LEPR: variants seen among roughly 807,000 people sequenced by gnomAD.
LEPR encodes leptin receptor.
LEPR carries 56 observed loss-of-function variants against 114.7 expected under a neutral mutation model. The ratio of observed to expected loss-of-function variants is 0.49; its 90% confidence interval spans 0.39 to 0.61. The LOEUF is 0.61. Ranked by LOEUF, LEPR falls within the 20% of genes least tolerant of loss-of-function variation. The pLI is 0.00. For missense variants in LEPR, 1,202 were observed against 1,352.9 expected, an observed-to-expected ratio of 0.89 and a Z score of 1.75; for synonymous variants, 443 against 461.4, an observed-to-expected ratio of 0.96 and a Z score of 0.51.
intron 2 of LEPR, among the ~76,000 whole-genome samples, chr1:65,524,129 T>C (rs1649783325): frequency 6.6e-6 from 1 of 152,232 alleles, no homozygotes; most frequent in African/African-American, 2.4e-5. Flanking sequence ...AGAGAATACA[T>C]CTCTGTTTGA....
chr1:65,482,258 G>A lies in LEPR; in HGVS notation c.-21+56880G>A, dbSNP rs748938913. On this transcript the variant is annotated intron_variant, in intron 2 of 19. Coordinates refer to ENST00000349533, the MANE Select transcript of LEPR (RefSeq NM_002303.6). ...GATATATCATATGTATGAATTTGTAGACAAAATATTTTGAGATGCTGTATC... is the reference window on the plus strand; with the variant it reads ...GATATATCATATGTATGAATTTGTAAACAAAATATTTTGAGATGCTGTATC... Among the ~76,000 whole-genome samples, 182 of 152,098 alleles carry A rather than the reference G, an allele frequency of 1.2e-3. 1 individual carries two copies. The highest frequency in any genetic ancestry group is 1.9e-3 in the Non-Finnish European group (132 of 67,982).
At chr1:65,490,045 T>A (rs755416933) in intron 2 of LEPR, among the ~76,000 whole-genome samples, 1 of 152,146 alleles carries the variant, frequency 6.6e-6, no homozygotes, top group Non-Finnish European at 1.5e-5. Context: ...GTATGCAATC[T>A]TTCGGAAATT....
intron 2 of LEPR, among the ~76,000 whole-genome samples, chr1:65,538,946 T>G (rs1222245325): frequency 6.6e-6 from 1 of 152,030 alleles, no homozygotes; most frequent in African/African-American, 2.4e-5. Flanking sequence ...TCTTGTATTT[T>G]TTTTGTGTGA....
At chr1:65,542,737 G>C (rs1651327724) in intron 2 of LEPR, among the ~76,000 whole-genome samples, 1 of 151,860 alleles carries the variant, frequency 6.6e-6, no homozygotes. Context: ...TCCTGTGTTA[G>C]TTTGCTGAGA....
At chr1:65,528,562 T>C (rs1437147320) in intron 2 of LEPR, among the ~76,000 whole-genome samples, 3 of 152,012 alleles carry the variant, frequency 2.0e-5, no homozygotes, top group Non-Finnish European at 2.9e-5. Context: ...ATTTTAAAAC[T>C]ACAAATCTTA....
At chr1:65,480,120 G>A (rs1647204543) in intron 2 of LEPR, among the ~76,000 whole-genome samples, 1 of 152,086 alleles carries the variant, frequency 6.6e-6, no homozygotes, top group Non-Finnish European at 1.5e-5. Context: ...TGGACAATGA[G>A]CAGGACCAAC....
chr1:65,438,113 C>CT (rs36053447), intron 2 of LEPR, among the ~76,000 whole-genome samples: 8,966 of 87,696 alleles, frequency 0.1, 1,243 homozygotes, highest in African/African-American at 0.27. Flanking sequence ...TCCTAGCCGC[C>CT]TTTTTTTTTT....
chr1:65,583,376 T>C (rs1268945354), intron 5 of LEPR, among the ~76,000 whole-genome samples: 3 of 152,190 alleles, frequency 2.0e-5, no homozygotes, highest in African/African-American at 7.2e-5. Flanking sequence ...AGAACAGTTA[T>C]CAGGGAGCTA....
At chr1:65,432,953 C>G (rs1220869438) in intron 2 of LEPR, 2 of 984,664 alleles carry the variant, frequency 2.0e-6, no homozygotes, top group Non-Finnish European at 2.4e-6. Context: ...AAATAAAAAA[C>G]AAAACATACT....
At chr1:65,542,015 G>T (rs1651224238) in intron 2 of LEPR, among the ~76,000 whole-genome samples, 1 of 152,168 alleles carries the variant, frequency 6.6e-6, no homozygotes, top group African/African-American at 2.4e-5. Flanking sequence ...AAATTAAACA[G>T]TCTGATCTTC....
At chr1:65,518,871 CTTTT>C (rs113511763) in intron 2 of LEPR, among the ~76,000 whole-genome samples, 1 of 127,732 alleles carries the variant, frequency 7.8e-6, no homozygotes, top group Non-Finnish European at 1.6e-5. Flanking sequence ...TTCTTTCTTT[CTTTT>C]TCTTTCTTTC....
chr1:65,602,162 A>G (rs1360389461), intron 10 of LEPR, among the ~76,000 whole-genome samples: 2 of 152,044 alleles, frequency 1.3e-5, no homozygotes, highest in Non-Finnish European at 2.9e-5. Context: ...AAAAATTGTA[A>G]TTTGTTTTTA....
chr1:65,468,879 C>A (rs1334428026), intron 2 of LEPR, among the ~76,000 whole-genome samples: 1 of 152,192 alleles, frequency 6.6e-6, no homozygotes, highest in Non-Finnish European at 1.5e-5. Context: ...GGGAGCTATG[C>A]TTAATAGGAG....
At chr1:65,451,360 T>A (rs1180159016) in intron 2 of LEPR, among the ~76,000 whole-genome samples, 1 of 152,174 alleles carries the variant, frequency 6.6e-6, no homozygotes, top group East Asian at 1.9e-4. Context: ...CCCATGCCTA[T>A]GTCCTGAATG....
chr1:65,426,231 G>A (rs555037359), intron 2 of LEPR, among the ~76,000 whole-genome samples: 15 of 152,234 alleles, frequency 9.9e-5, no homozygotes, highest in South Asian at 2.1e-4. Flanking sequence ...GCTAAGGCCC[G>A]GAGACATGAA....
chr1:65,450,846 C>T (rs1409242066), intron 2 of LEPR, among the ~76,000 whole-genome samples: 37 of 151,728 alleles, frequency 2.4e-4, no homozygotes, highest in Non-Finnish European at 3.8e-4. Flanking sequence ...CCTGAGGAAT[C>T]GCCACACTGA....
intron 2 of LEPR, among the ~76,000 whole-genome samples, chr1:65,488,212 C>CTTTCTT (rs756857644): frequency 0.04 from 1,431 of 36,034 alleles, 41 homozygotes; most frequent in Non-Finnish European, 0.049. Context: ...TTCTTTCTTT[C>CTTTCTT]TCTCTCTCTC....
intron 2 of LEPR, among the ~76,000 whole-genome samples, chr1:65,490,626 G>A (rs1301495398): frequency 6.6e-6 from 1 of 152,114 alleles, no homozygotes; most frequent in African/African-American, 2.4e-5. Flanking sequence ...TATTAGAAAT[G>A]ACAGCTTTTC....
At chr1:65,484,552 A>G (rs1647387860) in intron 2 of LEPR, among the ~76,000 whole-genome samples, 1 of 152,168 alleles carries the variant, frequency 6.6e-6, no homozygotes, top group Non-Finnish European at 1.5e-5. Context: ...TGTTCTTTTA[A>G]CACTGAGACT....
Sources: gnomAD v4.1 joint callset for allele counts (sites outside exome capture counted in the v4.1 genomes callset) on GRCh38, gnomAD v4.1.1 for gene constraint, MANE v1.5 for transcripts, NCBI Gene and HGNC (gene_info 2026-07-23, HGNC 2026-07-21) for gene names.